Variants in SLC13A3 observed in about 807,000 individuals in gnomAD.
The protein encoded by SLC13A3 is Na(+)/dicarboxylate cotransporter 3.
Under a neutral mutation model 59.0 loss-of-function variants are expected in SLC13A3, and 40 were observed. The ratio of observed to expected loss-of-function variants is 0.68; its 90% confidence interval spans 0.53 to 0.88. SLC13A3 has a LOEUF of 0.88. SLC13A3 is among the 40% of genes least tolerant of loss of function. The pLI, the probability that SLC13A3 is intolerant of heterozygous loss-of-function variation, is 0.00. For missense variants in SLC13A3, 699 were observed against 783.2 expected (o/e 0.89, Z 1.28); for synonymous variants, 317 against 330.3 (o/e 0.96, Z 0.44).
intron 1 of SLC13A3, among the ~76,000 whole-genome samples, chr20:46,624,956 G>A (rs564107282): frequency 6.6e-6 from 1 of 152,006 alleles, no homozygotes; most frequent in South Asian, 2.1e-4. Flanking sequence ...CAAGGGAAGG[G>A]CTGTGAAGTG....
At chr20:46,620,344 G>A (rs950858095) in intron 1 of SLC13A3, among the ~76,000 whole-genome samples, 1 of 152,108 alleles carries the variant, frequency 6.6e-6, no homozygotes, top group African/African-American at 2.4e-5. Context: ...AACTATGCAT[G>A]GGTTTCAAAT....
intron 1 of SLC13A3, among the ~76,000 whole-genome samples, chr20:46,644,783 G>T (rs971727346): frequency 1.8e-4 from 28 of 152,086 alleles, no homozygotes; most frequent in Non-Finnish European, 4.4e-5. Context: ...AGGAACATGG[G>T]GCCCACATGA....
chr20:46,666,472 T>TTTGTTG lies in SLC13A3; in HGVS notation c.-31+3565_-31+3570dup, dbSNP rs11469962. ...TTTGTTTTGGTTTTGGTTTTGTTGC[T>TTTGTTG]TTGTTGTTGTTGTTGTTGTTGTTGT... On this transcript the variant is annotated intron_variant, in intron 1 of 12. Transcript: ENST00000290317. Among the ~76,000 whole-genome samples the TTTGTTG allele has an allele frequency of 3.6e-3, 535 of 149,438 alleles. 3 individuals are homozygous for TTTGTTG. Among genetic ancestry groups the TTTGTTG allele is most frequent in the East Asian group, 0.02 (101 of 5,058 alleles).
At chr20:46,632,180 T>C (rs1349993596) in intron 1 of SLC13A3, among the ~76,000 whole-genome samples, 1 of 152,124 alleles carries the variant, frequency 6.6e-6, no homozygotes, top group Non-Finnish European at 1.5e-5. Context: ...GAGTCCCACT[T>C]CTCAGGAGTG....
chr20:46,590,369 A>G (rs1454539507), intron 6 of SLC13A3, among the ~76,000 whole-genome samples: 2 of 152,314 alleles, frequency 1.3e-5, no homozygotes, highest in African/African-American at 2.4e-5. Flanking sequence ...GAAAAGCACC[A>G]TAAGCAAAGC....
chr20:46,670,553 C>T (rs1188981628), upstream of SLC13A3, among the ~76,000 whole-genome samples: 3 of 152,152 alleles, frequency 2.0e-5, no homozygotes, highest in African/African-American at 7.2e-5. Context: ...TCCCTCTTGG[C>T]AGCCAATGTC....
chr20:46,667,882 C>T (rs1035486908), intron 1 of SLC13A3, among the ~76,000 whole-genome samples: 1 of 152,214 alleles, frequency 6.6e-6, no homozygotes, highest in Non-Finnish European at 1.5e-5. Context: ...TGCACAATTT[C>T]AAACTTTTTT....
chr20:46,585,331 G>C, intron 8 of SLC13A3: 1 of 999,954 alleles, frequency 1.0e-6, no homozygotes. Context: ...ACATAAAGTG[G>C]ATAAAGAGCC....
intron 10 of SLC13A3, among the ~76,000 whole-genome samples, chr20:46,570,913 C>T (rs2062023591): frequency 6.6e-6 from 1 of 152,112 alleles, no homozygotes; most frequent in Admixed American, 6.5e-5. Flanking sequence ...AGTCCATTCT[C>T]GCTCTGCTAA....
chr20:46,593,081 C>T (rs902662403), intron 5 of SLC13A3, among the ~76,000 whole-genome samples: 3 of 152,186 alleles, frequency 2.0e-5, no homozygotes, highest in Middle Eastern at 3.2e-3. Flanking sequence ...ATGGTGATGT[C>T]GATGAGTTCT....
chr20:46,573,300 T>TA (rs2062046322), intron 10 of SLC13A3, among the ~76,000 whole-genome samples: 2 of 152,208 alleles, frequency 1.3e-5, no homozygotes, highest in African/African-American at 2.4e-5. Context: ...CTTGAGGTCA[T>TA]ACCTGCACCT....
At chr20:46,623,236 T>C (rs2062633740) in intron 1 of SLC13A3, among the ~76,000 whole-genome samples, 1 of 152,218 alleles carries the variant, frequency 6.6e-6, no homozygotes, top group Non-Finnish European at 1.5e-5. Flanking sequence ...GGAGCTCTGG[T>C]GAGAGTTTCC....
At chr20:46,608,059 C>T (rs2062453149) in intron 3 of SLC13A3, among the ~76,000 whole-genome samples, 1 of 152,100 alleles carries the variant, frequency 6.6e-6, no homozygotes, top group African/African-American at 2.4e-5. Context: ...GTGCTTGCTG[C>T]CACCCCAGGG....
intron 9 of SLC13A3, among the ~76,000 whole-genome samples, chr20:46,582,125 CA>C (rs1471341890): frequency 6.6e-6 from 1 of 151,728 alleles, no homozygotes; most frequent in Non-Finnish European, 1.5e-5. Flanking sequence ...CCTGTTCCTA[CA>C]AAAAAAATTT....
chr20:46,676,291 C>A (rs1205760805), intron 1 of SLC13A3, among the ~76,000 whole-genome samples: 1 of 151,990 alleles, frequency 6.6e-6, no homozygotes, highest in Non-Finnish European at 1.5e-5. Flanking sequence ...TTTACAAACC[C>A]AATCCACCCA....
chr20:46,633,700 G>A (rs963387429), intron 1 of SLC13A3, among the ~76,000 whole-genome samples: 2 of 152,204 alleles, frequency 1.3e-5, no homozygotes, highest in African/African-American at 4.8e-5. Flanking sequence ...CCACTGCCCT[G>A]AGAGGCAGCA....
chr20:46,661,691 T>C (rs1234583628), intron 1 of SLC13A3, among the ~76,000 whole-genome samples: 3 of 152,154 alleles, frequency 2.0e-5, no homozygotes, highest in Non-Finnish European at 2.9e-5. Context: ...TGGAGGGCTA[T>C]GGTTCTACAC....
At position 46,651,448 on chromosome 20, in the gene SLC13A3, C is replaced by G. The variant is rs922992973; in HGVS notation, c.-27G>C. 3.6e-5 allele frequency: 50 copies of G among 1,406,840 alleles called. No individual in the cohort carries two copies. Among genetic ancestry groups the G allele is most frequent in the Non-Finnish European group, 4.4e-5 (48 of 1,087,222 alleles). The allele number at this position is 1,406,840 out of a possible 1,614,324, so 87.1% of individuals were successfully genotyped here. On this transcript the variant is annotated 5_prime_UTR_variant, in exon 1 of 13. Transcript: ENST00000279027. ...AGCGCGATCGCCTGGCGGTACGGGC[C>G]GGCCCGGGACTGCCCCGCCTGGCCC...
chr20:46,665,044 T>C (rs559983193), intron 1 of SLC13A3, among the ~76,000 whole-genome samples: 33 of 152,282 alleles, frequency 2.2e-4, no homozygotes, highest in African/African-American at 7.9e-4. Flanking sequence ...CTTTCATTTT[T>C]TTTTTAAGTC....
Sources: gnomAD v4.1 joint callset for allele counts (sites outside exome capture counted in the v4.1 genomes callset) on GRCh38, gnomAD v4.1.1 for gene constraint, MANE v1.5 for transcripts, NCBI Gene and HGNC (gene_info 2026-07-23, HGNC 2026-07-21) for gene names.